Variants in AK5 observed in about 807,000 individuals in gnomAD.
AK5 encodes adenylate kinase isoenzyme 5.
In AK5, 27 loss-of-function variants were observed where a neutral mutation model predicts 69.5. The observed-to-expected ratio is 0.39, with a 90% CI of 0.29 to 0.54. AK5 has a LOEUF of 0.54. Ranked by LOEUF, AK5 falls within the 20% of genes least tolerant of loss-of-function variation. The pLI is 0.71. For missense variants in AK5, 531 were observed against 700.4 expected, an observed-to-expected ratio of 0.76 and a Z score of 2.73; for synonymous variants, 260 against 244.4, an observed-to-expected ratio of 1.06 and a Z score of -0.60.
At chr1:77,467,341 A>G (rs994399963) in intron 8 of AK5, among the ~76,000 whole-genome samples, 1 of 152,214 alleles carries the variant, frequency 6.6e-6, no homozygotes, top group African/African-American at 2.4e-5. Context: ...CAATGAATGC[A>G]TTCACAACAA....
intron 10 of AK5, among the ~76,000 whole-genome samples, chr1:77,516,867 C>T (rs1054881526): frequency 6.6e-6 from 1 of 151,806 alleles, no homozygotes; most frequent in Non-Finnish European, 1.5e-5. Flanking sequence ...GCCAGGAGTT[C>T]GACACCAGCC....
At chr1:77,291,097 G>A (rs1052984224) in intron 2 of AK5, among the ~76,000 whole-genome samples, 15 of 152,182 alleles carry the variant, frequency 9.9e-5, no homozygotes, top group Admixed American at 6.5e-5. Context: ...GAACAGAGAA[G>A]AGAATTTCCT....
intron 8 of AK5, among the ~76,000 whole-genome samples, chr1:77,470,865 ATATATATATATTTTTT>A (rs1654455327): frequency 1.6e-4 from 1 of 6,440 alleles, no homozygotes; most frequent in African/African-American, 6.4e-4. Flanking sequence ...ATATATATAT[ATATATATATATTTTTT>A]TTTTTTTTTT....
At chr1:77,529,556 C>A (rs1658468571) in intron 12 of AK5, among the ~76,000 whole-genome samples, 1 of 152,104 alleles carries the variant, frequency 6.6e-6, no homozygotes, top group African/African-American at 2.4e-5. Flanking sequence ...AACTCCTGAC[C>A]TCGTGATCTG....
intron 5 of AK5, among the ~76,000 whole-genome samples, chr1:77,298,358 A>G (rs1392996057): frequency 2.0e-5 from 3 of 152,156 alleles, no homozygotes; most frequent in Non-Finnish European, 4.4e-5. Flanking sequence ...TGAACCACCT[A>G]CGTAGATTAA....
chr1:77,548,123 C>T (rs983831290), intron 13 of AK5, among the ~76,000 whole-genome samples: 1 of 152,138 alleles, frequency 6.6e-6, no homozygotes, highest in South Asian at 2.1e-4. Flanking sequence ...TTACTTAAAA[C>T]GTTTAAGTGG....
chr1:77,287,550 C>T (rs180758335), intron 2 of AK5, among the ~76,000 whole-genome samples: 224 of 152,276 alleles, frequency 1.5e-3, no homozygotes, highest in African/African-American at 5.0e-3. Flanking sequence ...GTTCAGAGTT[C>T]ATATTAATGC....
chr1:77,388,664 A>T (rs3911801), intron 6 of AK5, among the ~76,000 whole-genome samples: 29,941 of 152,042 alleles, frequency 0.2, 3,218 homozygotes, highest in East Asian at 0.4. Context: ...AATACCTTTA[A>T]AATGTTATCA....
intron 6 of AK5, among the ~76,000 whole-genome samples, chr1:77,402,994 G>C (rs1393457273): frequency 2.0e-5 from 3 of 152,008 alleles, no homozygotes; most frequent in African/African-American, 7.2e-5. Context: ...CATTCTAACT[G>C]GTGTGAGATG....
intron 5 of AK5, among the ~76,000 whole-genome samples, chr1:77,322,353 T>A (rs1660577947): frequency 6.6e-6 from 1 of 152,154 alleles, no homozygotes; most frequent in African/African-American, 2.4e-5. Flanking sequence ...CATGAGTACA[T>A]TGATTCATAG....
At chr1:77,388,634 A>G (rs1648191209) in intron 6 of AK5, among the ~76,000 whole-genome samples, 1 of 152,158 alleles carries the variant, frequency 6.6e-6, no homozygotes, top group Non-Finnish European at 1.5e-5. Context: ...ATGATAATTC[A>G]GAATGAAAAA....
chr1:77,371,375 C>A (rs1325269142), intron 6 of AK5: 1 of 152,208 alleles, frequency 6.6e-6, no homozygotes, highest in Non-Finnish European at 1.5e-5. Context: ...TTCCCTGAAG[C>A]CAGGAGATCT....
intron 8 of AK5, among the ~76,000 whole-genome samples, chr1:77,453,869 TC>T (rs1653312487): frequency 6.6e-6 from 1 of 152,342 alleles, no homozygotes; most frequent in East Asian, 1.9e-4. Context: ...ATGTAAACTT[TC>T]TGTATTTTTC....
intron 1 of AK5, among the ~76,000 whole-genome samples, chr1:77,284,928 AC>A (rs1392507711): frequency 6.6e-6 from 1 of 151,534 alleles, no homozygotes; most frequent in Non-Finnish European, 1.5e-5. Context: ...GAGAGTGTTC[AC>A]CCATTTCAGG....
intron 6 of AK5, among the ~76,000 whole-genome samples, chr1:77,410,243 T>C (rs1649948124): frequency 6.6e-6 from 1 of 152,010 alleles, no homozygotes; most frequent in Non-Finnish European, 1.5e-5. Flanking sequence ...TTGTATCTAG[T>C]ATAGTATCTG....
intron 6 of AK5, among the ~76,000 whole-genome samples, chr1:77,402,599 T>C (rs147926292): frequency 0.084 from 12,821 of 152,078 alleles, 721 homozygotes; most frequent in South Asian, 0.17. Context: ...TCCAGCTTCA[T>C]CCATGTCCCT....
rs996883199 is a variant in AK5 at position 77,533,521 on chromosome 1, A to C, written c.1429-2326A>C. 5.7e-4 allele frequency among the ~76,000 whole-genome samples: 85 copies of C among 148,810 alleles called. 2 individuals are homozygous for C. The South Asian group carries it at 0.017, about 30-fold the overall frequency. On this transcript the variant is annotated intron_variant, in intron 12 of 13. Coordinates refer to ENST00000354567, the MANE Select transcript of AK5 (RefSeq NM_174858.3). Reference sequence around the variant, plus strand: ...AAGACTCTGTCACCAAAAAAAAAAAAAAAAAAAAAAAAAACAGATTCTGCT... The same window carrying C: ...AAGACTCTGTCACCAAAAAAAAAAACAAAAAAAAAAAAAACAGATTCTGCT...
At chr1:77,393,205 G>A (rs1401125961) in intron 6 of AK5, among the ~76,000 whole-genome samples, 1 of 152,160 alleles carries the variant, frequency 6.6e-6, no homozygotes, top group African/African-American at 2.4e-5. Context: ...TTGTGATACT[G>A]TAACTATAGT....
rs1654439707 is a variant in AK5 at position 77,470,854 on chromosome 1, TATATATATA to T, written c.1060-12462_1060-12454del. 4.4e-4 allele frequency among the ~76,000 whole-genome samples: 14 copies of T among 31,642 alleles called. 2 individuals are homozygous for T. The South Asian group carries it at 8.1e-3, about 18-fold the overall frequency. The allele number at this position is 31,642 out of a possible 152,430, so 20.8% of individuals were successfully genotyped here. Reference sequence around the variant, plus strand: ...ATATATATATATATATATATATATATATATATATATATATATATATATTTTTTTTTTTTT... The same window carrying T: ...ATATATATATATATATATATATATATTATATATATATATTTTTTTTTTTTT... On this transcript the variant is annotated intron_variant, in intron 8 of 13. Transcript: ENST00000354567.
Sources: gnomAD v4.1 joint callset for allele counts (sites outside exome capture counted in the v4.1 genomes callset) on GRCh38, gnomAD v4.1.1 for gene constraint, MANE v1.5 for transcripts, NCBI Gene and HGNC (gene_info 2026-07-23, HGNC 2026-07-21) for gene names.